GSG1L: variants seen among roughly 807,000 people sequenced by gnomAD.
GSG1L encodes the protein GSG1 like, also known as germ cell-specific gene 1-like protein.
Under a neutral mutation model 42.1 loss-of-function variants are expected in GSG1L, and 24 were observed. That is an observed-to-expected ratio of 0.57 (90% CI 0.41 to 0.80). The LOEUF is 0.80. GSG1L is among the 30% of genes least tolerant of loss of function. The probability of loss-of-function intolerance (pLI) is 0.00; values close to 1 mark genes in which losing one functional copy is unlikely to be tolerated. For missense variants in GSG1L, 445 were observed against 472.2 expected (o/e 0.94, Z 0.53); for synonymous variants, 215 against 203.5 (o/e 1.06, Z -0.48).
Position 28,058,110 on chromosome 16 carries a change from G to A in GSG1L, c.349+4966C>T, listed in dbSNP as rs1008357736. Among the ~76,000 whole-genome samples, 6 of 152,336 alleles carry A rather than the reference G, an allele frequency of 3.9e-5. No individual in the cohort carries two copies. In the South Asian group the frequency reaches 1.2e-3, roughly 32 times the overall value. On this transcript the variant is annotated intron_variant, in intron 1 of 6. Transcript: ENST00000447459. ...CAACGAGCCTGGTTGGAGGAACAAA[G>A]GGAGCCTGAGTGAGCTGGGCTGGGG...
At chr16:27,836,277 AT>A (rs3047682) in intron 4 of GSG1L, among the ~76,000 whole-genome samples, 37,359 of 132,204 alleles carry the variant, frequency 0.28, 5,450 homozygotes, top group African/African-American at 0.44. Flanking sequence ...CACTGTTTTC[AT>A]TTTTTTTTTT....
At chr16:27,894,326 G>A (rs1195871328) in intron 2 of GSG1L, among the ~76,000 whole-genome samples, 2 of 152,182 alleles carry the variant, frequency 1.3e-5, no homozygotes, top group East Asian at 1.9e-4. Context: ...ATTCCTAAAG[G>A]GAAGTAGCCA....
chr16:27,845,299 G>A (rs554010345), intron 3 of GSG1L, among the ~76,000 whole-genome samples: 3 of 152,328 alleles, frequency 2.0e-5, no homozygotes, highest in African/African-American at 7.2e-5. Context: ...AGGCTGAAGT[G>A]CAGTGGCACG....
In GSG1L at chr16:27,884,779, C is replaced by T. The variant is rs1229462003; in HGVS notation, c.398-141G>A. ...GTTCTGGGGGAGGTCCTGATGGAAG[C>T]CTGTCATGGCCGTCCCATCCTTGTC... On this transcript the variant is annotated intron_variant, in intron 2 of 6. Transcript: ENST00000447459. The surrounding 1 kb of genome is among the most constrained non-coding windows in gnomAD (Gnocchi z 4.4). The T allele has an allele frequency of 3.8e-6, 3 of 782,234 alleles. No homozygotes were observed. The highest frequency in any genetic ancestry group is 1.7e-5 in the African/African-American group (1 of 57,192). The allele number at this position is 782,234 out of a possible 1,614,324, so 48.5% of individuals were successfully genotyped here.
At chr16:27,984,281 T>C (rs954649699) in intron 1 of GSG1L, among the ~76,000 whole-genome samples, 2 of 152,150 alleles carry the variant, frequency 1.3e-5, no homozygotes, top group Admixed American at 6.5e-5. Flanking sequence ...GCCTGCTCAC[T>C]GCAGAACATG....
rs2082905791 is a variant in GSG1L at position 27,803,372 on chromosome 16, T to G, written c.898+4115A>C. On this transcript the variant is annotated intron_variant, in intron 6 of 6. Coordinates refer to ENST00000447459, the MANE Select transcript of GSG1L (RefSeq NM_001109763.2). ...GGCCCAGGAGAGTTGCCTTCCTATC[T>G]GGGGGGATGGCTCAGATACATATGC... 2.0e-5 allele frequency among the ~76,000 whole-genome samples: 3 copies of G among 152,080 alleles called. 1 individual carries two copies. The highest frequency in any genetic ancestry group is 4.4e-5 in the Non-Finnish European group (3 of 68,014).
chr16:27,965,512 G>A (rs1246720502), intron 1 of GSG1L, among the ~76,000 whole-genome samples: 2 of 152,034 alleles, frequency 1.3e-5, no homozygotes, highest in Non-Finnish European at 2.9e-5. Flanking sequence ...AATAGAAGAA[G>A]CTCACTCCGG....
chr16:28,043,619 A>C (rs897450221), intron 1 of GSG1L, among the ~76,000 whole-genome samples: 1 of 152,240 alleles, frequency 6.6e-6, no homozygotes, highest in African/African-American at 2.4e-5. Context: ...TACACTTAAA[A>C]TGTAAAAGTG....
At chr16:27,883,091 C>T (rs1476558320) in intron 3 of GSG1L, among the ~76,000 whole-genome samples, 1 of 144,792 alleles carries the variant, frequency 6.9e-6, no homozygotes. Flanking sequence ...TGCTCTCCAG[C>T]CTAGGCAACA....
chr16:27,859,639 C>T (rs1211590704), intron 3 of GSG1L, among the ~76,000 whole-genome samples: 5 of 152,206 alleles, frequency 3.3e-5, no homozygotes, highest in African/African-American at 1.2e-4. Context: ...ATTCCTTGAG[C>T]AGGAGTTGGT....
intron 2 of GSG1L, among the ~76,000 whole-genome samples, chr16:27,898,655 C>T (rs919328085): frequency 1.3e-5 from 2 of 148,410 alleles, no homozygotes; most frequent in Admixed American, 7.0e-5. Flanking sequence ...TCCCTTTCTG[C>T]CTCTCTCTTC....
At chr16:27,808,663 T>C (rs764500342) in intron 5 of GSG1L, among the ~76,000 whole-genome samples, 3 of 152,104 alleles carry the variant, frequency 2.0e-5, no homozygotes, top group Non-Finnish European at 4.4e-5. Flanking sequence ...AGGTGATCCA[T>C]CCACCTCGGC....
intron 1 of GSG1L, among the ~76,000 whole-genome samples, chr16:28,057,208 C>T (rs2141201011): frequency 6.6e-6 from 1 of 152,202 alleles, no homozygotes; most frequent in Middle Eastern, 3.4e-3. Flanking sequence ...GGGTGATCCG[C>T]CTCAGATGGA....
Position 27,936,839 on chromosome 16 carries a change from G to A in GSG1L, c.397+26317C>T, listed in dbSNP as rs78134007. On this transcript the variant is annotated intron_variant, in intron 2 of 6. Coordinates refer to ENST00000447459, the MANE Select transcript of GSG1L (RefSeq NM_001109763.2). ...GCAGGTCATTAGTTCCATTTGCAAG[G>A]GCCACTCCCCGCCAACACTACCCTC... Among the ~76,000 whole-genome samples the A allele has an allele frequency of 1.4e-4, 22 of 152,210 alleles. No homozygotes were observed. In the East Asian group the frequency reaches 4.1e-3, roughly 28 times the overall value.
chr16:27,796,674 C>A (rs1217461665), intron 6 of GSG1L, among the ~76,000 whole-genome samples: 3 of 152,156 alleles, frequency 2.0e-5, no homozygotes, highest in African/African-American at 7.2e-5. Flanking sequence ...CTACCTCAGG[C>A]GGGCTGTTTT....
chr16:27,980,540 C>A (rs1035869380), intron 1 of GSG1L, among the ~76,000 whole-genome samples: 7 of 152,190 alleles, frequency 4.6e-5, no homozygotes, highest in African/African-American at 1.7e-4. Context: ...CTAATCTGCA[C>A]GACAGCCTAT....
At chr16:27,974,389 A>G (rs144546632) in intron 1 of GSG1L, among the ~76,000 whole-genome samples, 3,014 of 152,280 alleles carry the variant, frequency 0.02, 51 homozygotes, top group Middle Eastern at 0.037. Flanking sequence ...GGGGAGAGGA[A>G]GGGTAGGGGA....
intron 2 of GSG1L, among the ~76,000 whole-genome samples, chr16:27,897,365 C>G (rs1386050694): frequency 6.6e-6 from 1 of 152,098 alleles, no homozygotes; most frequent in African/African-American, 2.4e-5. Flanking sequence ...GTGGTGGAAT[C>G]ACAGCTCACT....
At chr16:27,804,368 G>A (rs995178055) in intron 6 of GSG1L, among the ~76,000 whole-genome samples, 5 of 152,078 alleles carry the variant, frequency 3.3e-5, no homozygotes, top group Admixed American at 6.5e-5. Flanking sequence ...CTCTTCATTT[G>A]ACTCCTCACC....
Sources: allele counts gnomAD v4.1 joint callset (sites outside exome capture counted in the v4.1 genomes callset), GRCh38; gene constraint gnomAD v4.1.1; non-coding constraint Gnocchi (gnomAD v3.1); transcripts MANE v1.5; gene names NCBI Gene and HGNC (gene_info 2026-07-23, HGNC 2026-07-21).